Variants in LDLRAD4 observed in about 807,000 individuals in gnomAD.
LDLRAD4 encodes low density lipoprotein receptor class A domain containing 4, also known as low-density lipoprotein receptor class A domain-containing protein 4.
Under a neutral mutation model 17.0 loss-of-function variants are expected in LDLRAD4, and 5 were observed. That is an observed-to-expected ratio of 0.29 (90% CI 0.15 to 0.62). The LOEUF (loss-of-function observed/expected upper bound fraction) is 0.62, where lower values mean the gene tolerates loss of function less well. LDLRAD4 is among the 20% of genes least tolerant of loss of function. LDLRAD4 has a pLI of 0.84. For missense variants in LDLRAD4, 340 were observed against 424.7 expected (o/e 0.80, Z 1.75); for synonymous variants, 168 against 171.8 (o/e 0.98, Z 0.17).
At chr18:13,566,392 C>T (rs1601429583) in intron 3 of LDLRAD4, among the ~76,000 whole-genome samples, 1 of 143,488 alleles carries the variant, frequency 7.0e-6, no homozygotes, top group Non-Finnish European at 1.5e-5. Flanking sequence ...GAGACAGAGT[C>T]TCGCTCTGTT....
At chr18:13,624,900 C>T (rs1418286688) in intron 4 of LDLRAD4, among the ~76,000 whole-genome samples, 2 of 152,186 alleles carry the variant, frequency 1.3e-5, no homozygotes, top group African/African-American at 4.8e-5. Context: ...ATGAGTGTGT[C>T]TGGGCAGATG....
At chr18:13,415,810 G>A (rs1017444116) in intron 2 of LDLRAD4, among the ~76,000 whole-genome samples, 2 of 152,260 alleles carry the variant, frequency 1.3e-5, no homozygotes, top group African/African-American at 2.4e-5. Context: ...CAGGCATCAG[G>A]GTGGGTGGGG....
At chr18:13,566,980 G>A (rs1245806348) in intron 3 of LDLRAD4, among the ~76,000 whole-genome samples, 1 of 152,188 alleles carries the variant, frequency 6.6e-6, no homozygotes, top group East Asian at 1.9e-4. Flanking sequence ...GCGAAGCCCA[G>A]CCTGGTGCAG....
chr18:13,407,724 T>C (rs1342106219), intron 2 of LDLRAD4, among the ~76,000 whole-genome samples: 1 of 152,246 alleles, frequency 6.6e-6, no homozygotes, highest in Non-Finnish European at 1.5e-5. Flanking sequence ...AGCCAGGAGC[T>C]GATAGGGCAG....
At chr18:13,289,324 GA>G (rs1326142478) in intron 1 of LDLRAD4, among the ~76,000 whole-genome samples, 1 of 152,230 alleles carries the variant, frequency 6.6e-6, no homozygotes, top group African/African-American at 2.4e-5. Context: ...GAGGAAATGA[GA>G]GATTATTTGA....
intron 3 of LDLRAD4, among the ~76,000 whole-genome samples, chr18:13,482,107 G>A (rs79492944): frequency 0.089 from 13,508 of 152,096 alleles, 659 homozygotes; most frequent in Non-Finnish European, 0.11. Context: ...GAAGGCCAAC[G>A]CTGCCTTCCA....
At chr18:13,470,896 A>C (rs60504697) in intron 3 of LDLRAD4, 10,824 of 151,512 alleles carry the variant, frequency 0.071, 963 homozygotes, top group African/African-American at 0.21. Context: ...AATGCCTAGC[A>C]GGGGTCTTTG....
chr18:13,485,096 C>G (rs1204783102), intron 3 of LDLRAD4, among the ~76,000 whole-genome samples: 8 of 152,206 alleles, frequency 5.3e-5, no homozygotes, highest in African/African-American at 2.4e-5. Context: ...ACTAGGACTT[C>G]GCTAAGTATT....
chr18:13,395,795 T>C (rs1212119015), intron 2 of LDLRAD4, among the ~76,000 whole-genome samples: 1 of 150,760 alleles, frequency 6.6e-6, no homozygotes, highest in Non-Finnish European at 1.5e-5. Flanking sequence ...AGGTTGAGGA[T>C]TTTAGCTTAG....
intron 1 of LDLRAD4, among the ~76,000 whole-genome samples, chr18:13,349,146 C>T (rs1472100262): frequency 1.3e-5 from 2 of 152,316 alleles, no homozygotes; most frequent in African/African-American, 2.4e-5. Flanking sequence ...ATGCAGAAAT[C>T]GTTTGTCTTC....
At chr18:13,388,324 C>T (rs2085984911) in intron 2 of LDLRAD4, among the ~76,000 whole-genome samples, 1 of 152,170 alleles carries the variant, frequency 6.6e-6, no homozygotes, top group African/African-American at 2.4e-5. Context: ...TGCCCAGAGC[C>T]CTCGCCCAAG....
chr18:13,330,818 G>T (rs1448420195), intron 1 of LDLRAD4, among the ~76,000 whole-genome samples: 1 of 152,174 alleles, frequency 6.6e-6, no homozygotes, highest in South Asian at 2.1e-4. Context: ...ACCCTCCAGG[G>T]AGGGGAGAAC....
chr18:13,583,496 C>T (rs1424140052), intron 3 of LDLRAD4, among the ~76,000 whole-genome samples: 3 of 151,944 alleles, frequency 2.0e-5, no homozygotes, highest in Admixed American at 6.6e-5. Flanking sequence ...GGATTGGGAA[C>T]TTTAAATGAG....
chr18:13,364,838 CA>C (rs2083938591), intron 1 of LDLRAD4, among the ~76,000 whole-genome samples: 1 of 152,186 alleles, frequency 6.6e-6, no homozygotes, highest in African/African-American at 2.4e-5. Context: ...CCAGCCTAAG[CA>C]GGCAGGAAAG....
At chr18:13,581,789 A>G (rs879125873) in intron 3 of LDLRAD4, among the ~76,000 whole-genome samples, 1 of 152,172 alleles carries the variant, frequency 6.6e-6, no homozygotes, top group Admixed American at 6.5e-5. Flanking sequence ...TGAGCTGAGC[A>G]GCCATGCTTA....
chr18:13,404,691 G>A (rs949721485), intron 2 of LDLRAD4, among the ~76,000 whole-genome samples: 5 of 151,912 alleles, frequency 3.3e-5, no homozygotes, highest in Admixed American at 6.6e-5. Context: ...CCAGCTACTC[G>A]GGAGGCTGAG....
chr18:13,515,228 T>G (rs2093846460), intron 3 of LDLRAD4: 1 of 152,244 alleles, frequency 6.6e-6, no homozygotes, highest in African/African-American at 2.4e-5. Context: ...TCTGCCTGCC[T>G]CTGTTATTAC....
rs1054668104 is a variant in LDLRAD4 at position 13,300,507 on chromosome 18, A to G, written c.-383+22319A>G. ...GCACCCGGTGCCAGCATGGAGCCCC[A>G]TTGTCCTCACTCTTCCTCCTGGGCC... On this transcript the variant is annotated intron_variant, in intron 1 of 5. Coordinates refer to ENST00000359446, the Ensembl canonical transcript of LDLRAD4. This position sits in a 1 kb window ranked among gnomAD's most constrained non-coding sequence, Gnocchi z 4.2. Among the ~76,000 whole-genome samples, 1 of 152,112 alleles carries G rather than the reference A, an allele frequency of 6.6e-6. No individual in the cohort carries two copies. The highest frequency in any genetic ancestry group is 6.5e-5 in the Admixed American group (1 of 15,270).
chr18:13,606,070 C>G (rs1002553743), intron 3 of LDLRAD4, among the ~76,000 whole-genome samples: 4 of 152,154 alleles, frequency 2.6e-5, no homozygotes, highest in Non-Finnish European at 5.9e-5. Flanking sequence ...TCCTGACCAC[C>G]CTGTGAAGTA....
Sources: gnomAD v4.1 joint callset for allele counts (sites outside exome capture counted in the v4.1 genomes callset) on GRCh38, gnomAD v4.1.1 for gene constraint, Gnocchi (gnomAD v3.1) non-coding constraint, MANE v1.5 for transcripts, NCBI Gene and HGNC (gene_info 2026-07-23, HGNC 2026-07-21) for gene names.